The following CORO2B variants were observed in gnomAD, a reference collection of about 807,000 sequenced individuals.
CORO2B encodes the protein coronin-2B.
A neutral mutation model predicts 58.8 loss-of-function variants in CORO2B; 26 were observed. That is an observed-to-expected ratio of 0.44 (90% CI 0.32 to 0.61). The LOEUF is 0.61. CORO2B is among the 20% of genes least tolerant of loss of function. CORO2B has a pLI of 0.04. For missense variants in CORO2B, 460 were observed against 645.1 expected, an observed-to-expected ratio of 0.71 and a Z score of 3.11; for synonymous variants, 242 against 253.8, an observed-to-expected ratio of 0.95 and a Z score of 0.44.
the CORO2B span, among the ~76,000 whole-genome samples, chr15:68,561,261 G>A: frequency 2.6e-5 from 4 of 152,166 alleles, no homozygotes; most frequent in Non-Finnish European, 5.9e-5. Flanking sequence ...CATATGCCAC[G>A]CTGGGCGGCC....
chr15:68,576,116 G>A (rs1595946983), upstream of CORO2B, among the ~76,000 whole-genome samples: 1 of 114,530 alleles, frequency 8.7e-6, no homozygotes, highest in East Asian at 3.1e-4. Flanking sequence ...CCACGCCATT[G>A]CACTTCAGCC....
chr15:68,627,942 C>G (rs1900728902), intron 1 of CORO2B, among the ~76,000 whole-genome samples: 2 of 152,090 alleles, frequency 1.3e-5, no homozygotes, highest in South Asian at 4.1e-4. Context: ...AGTTTACTCA[C>G]TCTTACTTCT....
At chr15:68,642,997 C>T (rs1378044206) in intron 1 of CORO2B, among the ~76,000 whole-genome samples, 30 of 152,206 alleles carry the variant, frequency 2.0e-4, no homozygotes, top group Non-Finnish European at 1.5e-5. Context: ...AAACTTTTGC[C>T]AGGTCCACCA....
At chr15:68,590,774 T>C (rs1223733572) in intron 1 of CORO2B, among the ~76,000 whole-genome samples, 1 of 152,134 alleles carries the variant, frequency 6.6e-6, no homozygotes, top group East Asian at 1.9e-4. Flanking sequence ...GAGGGGTTCC[T>C]GAGAGGCAAA....
At chr15:68,703,786 C>A (rs575052126) in intron 3 of CORO2B, among the ~76,000 whole-genome samples, 1 of 152,110 alleles carries the variant, frequency 6.6e-6, no homozygotes, top group Non-Finnish European at 1.5e-5. Flanking sequence ...TAACCAGACA[C>A]CTCCATAATC....
intron 1 of CORO2B, among the ~76,000 whole-genome samples, chr15:68,598,635 C>T (rs1899899254): frequency 6.6e-6 from 1 of 152,192 alleles, no homozygotes; most frequent in African/African-American, 2.4e-5. Flanking sequence ...TTGAACGCCC[C>T]TCTGCAGCAG....
At chr15:68,707,161 C>T (rs768811481) in intron 3 of CORO2B, among the ~76,000 whole-genome samples, 25 of 152,230 alleles carry the variant, frequency 1.6e-4, no homozygotes, top group South Asian at 8.3e-4. Context: ...GGATTACAGA[C>T]GTGAGCTACC....
Position 68,668,895 on chromosome 15 carries a change from G to A in CORO2B, c.216+23535G>A, listed in dbSNP as rs190078489. On this transcript the variant is annotated intron_variant, in intron 2 of 11. Transcript: ENST00000261861. ...GGAGTTCGAGACTAGCCTGACCAAC[G>A]TGCAGAAACCCCATCTCTACTAAAA... 8.3e-4 allele frequency among the ~76,000 whole-genome samples: 126 copies of A among 152,138 alleles called. 1 individual carries two copies. Among genetic ancestry groups the A allele is most frequent in the Middle Eastern group, 6.8e-3 (2 of 294 alleles).
intron 1 of CORO2B, among the ~76,000 whole-genome samples, chr15:68,599,350 G>A (rs910866770): frequency 3.3e-5 from 5 of 152,202 alleles, no homozygotes; most frequent in South Asian, 4.1e-4. Flanking sequence ...GGAGCGTGTC[G>A]CGCCACAGAT....
chr15:68,559,849 G>A, the CORO2B span, among the ~76,000 whole-genome samples: 1 of 152,262 alleles, frequency 6.6e-6, no homozygotes, highest in African/African-American at 2.4e-5. This position sits in a 1 kb window ranked among gnomAD's most constrained non-coding sequence, Gnocchi z 4.3. Flanking sequence ...GCAAACGCGC[G>A]CGCACGGAGA....
At chr15:68,527,747 A>G in the CORO2B span, among the ~76,000 whole-genome samples, 1 of 152,230 alleles carries the variant, frequency 6.6e-6, no homozygotes, top group Admixed American at 6.5e-5. Flanking sequence ...ACATTTTAGC[A>G]ATACTCCAAT....
At chr15:68,664,914 T>A (rs1902141730) in intron 2 of CORO2B, among the ~76,000 whole-genome samples, 1 of 152,194 alleles carries the variant, frequency 6.6e-6, no homozygotes, top group Non-Finnish European at 1.5e-5. Flanking sequence ...GTTAGGGAAA[T>A]GAGCCTTTTG....
intron 1 of CORO2B, among the ~76,000 whole-genome samples, chr15:68,637,003 T>C (rs765665502): frequency 2.6e-5 from 4 of 152,224 alleles, no homozygotes; most frequent in Non-Finnish European, 5.9e-5. Context: ...AGCAGCTGCA[T>C]GTGGCTAGTA....
chr15:68,544,442 C>T, the CORO2B span, among the ~76,000 whole-genome samples: 1 of 152,178 alleles, frequency 6.6e-6, no homozygotes, highest in Non-Finnish European at 1.5e-5. Flanking sequence ...AACAGCCCTG[C>T]TTCAACTAGG....
Position 68,579,213 on chromosome 15 carries a change from C to T in CORO2B, c.-50C>T. 1 of 1,039,268 alleles carries T rather than the reference C, an allele frequency of 9.6e-7. No homozygotes were observed. Among genetic ancestry groups the T allele is most frequent in the Non-Finnish European group, 1.2e-6 (1 of 868,488 alleles). 64.4% of individuals were successfully genotyped at this position (1,039,268 alleles called of 1,614,324 possible). ...CCGCCGCCGCCCCGGGCCGCCGCCG[C>T]CGCCCCCGCACGCCGCGCCCGCGCC... On this transcript the variant is annotated 5_prime_UTR_variant, in exon 1 of 12. Coordinates refer to ENST00000261861, the MANE Select transcript of CORO2B (RefSeq NM_006091.5).
chr15:68,709,893 C>T (rs1892875384), intron 3 of CORO2B, among the ~76,000 whole-genome samples: 1 of 152,100 alleles, frequency 6.6e-6, no homozygotes, highest in African/African-American at 2.4e-5. Context: ...CCCCACCTAC[C>T]ACCTACCTTA....
chr15:68,579,544 C>G (rs1213380655), intron 1 of CORO2B, among the ~76,000 whole-genome samples: 3 of 152,228 alleles, frequency 2.0e-5, no homozygotes, highest in Non-Finnish European at 4.4e-5. Context: ...GCATTTTTAA[C>G]CCTTGTTTGG....
chr15:68,708,357 CT>C lies in CORO2B; in HGVS notation c.334-2354del, dbSNP rs921103212. 4.1e-3 allele frequency among the ~76,000 whole-genome samples: 477 copies of C among 114,960 alleles called. 1 individual carries two copies. Among genetic ancestry groups the C allele is most frequent in the African/African-American group, 0.011 (353 of 32,346 alleles). The allele number at this position is 114,960 out of a possible 152,430, so 75.4% of individuals were successfully genotyped here. A position where few individuals can be genotyped will look rare whatever the true frequency, so the allele number is the denominator to read the frequency against. ...CTGCCTTTGGCTTTCTTTTTTTCTT[CT>C]TTTTTTTTTTTTTTTTTTTTGAGAT... is the stretch of plus-strand genomic sequence containing the variant. On this transcript the variant is annotated intron_variant, in intron 3 of 11. Coordinates refer to ENST00000261861, the MANE Select transcript of CORO2B (RefSeq NM_006091.5).
At chr15:68,614,942 G>A (rs2140247665) in intron 1 of CORO2B, among the ~76,000 whole-genome samples, 1 of 152,346 alleles carries the variant, frequency 6.6e-6, no homozygotes, top group East Asian at 1.9e-4. Flanking sequence ...GAAGTCGGGT[G>A]GGGTGGGGGC....
Sources: allele counts gnomAD v4.1 joint callset (sites outside exome capture counted in the v4.1 genomes callset), GRCh38; gene constraint gnomAD v4.1.1; non-coding constraint Gnocchi (gnomAD v3.1); transcripts MANE v1.5; gene names NCBI Gene and HGNC (gene_info 2026-07-23, HGNC 2026-07-21).